MYOF: variants seen among roughly 807,000 people sequenced by gnomAD.
MYOF encodes fer-1-like 3, myoferlin.
MYOF carries 244 observed loss-of-function variants against 284.2 expected under a neutral mutation model. That is an observed-to-expected ratio of 0.86 (90% CI 0.77 to 0.95). The LOEUF (loss-of-function observed/expected upper bound fraction) is 0.95, where lower values mean the gene tolerates loss of function less well. Ranked by LOEUF, MYOF falls within the 40% of genes least tolerant of loss-of-function variation. MYOF has a pLI of 0.00. For missense variants in MYOF, 2,496 were observed against 2,560.6 expected, an observed-to-expected ratio of 0.97 and a Z score of 0.54; for synonymous variants, 904 against 919.7, an observed-to-expected ratio of 0.98 and a Z score of 0.31.
intron 5 of MYOF, chr10:93,425,850 G>T (rs550772500): frequency 5.2e-6 from 3 of 579,896 alleles, no homozygotes; most frequent in East Asian, 2.9e-5. Context: ...AGGTTGTTCA[G>T]TAAAGGGTTG....
At chr10:93,360,052 A>AT in intron 28 of MYOF, 74 bp from the exon 29 acceptor site, 1 of 1,553,494 alleles carries the variant, frequency 6.4e-7, no homozygotes, top group Non-Finnish European at 8.9e-7. Context: ...TCGAGGAAAC[A>AT]TTTGTTCACT....
Position 93,393,224 on chromosome 10 carries a change from C to T in MYOF, c.1418-269G>A, listed in dbSNP as rs757670459. Among the ~76,000 whole-genome samples, 159 of 152,250 alleles carry T rather than the reference C, an allele frequency of 1.0e-3. 1 individual carries two copies. Among genetic ancestry groups the T allele is most frequent in the Non-Finnish European group, 1.8e-3 (124 of 68,012 alleles). Reference sequence around the variant, plus strand: ...CCAGGAAGCAGAAGAGCTAGCTTCCCGGGGACAGAGGGGGCCTGGCGAAGT... The same window carrying T: ...CCAGGAAGCAGAAGAGCTAGCTTCCTGGGGACAGAGGGGGCCTGGCGAAGT... On this transcript the variant is annotated intron_variant, in intron 16 of 53. Transcript: ENST00000359263.
intron 1 of MYOF, among the ~76,000 whole-genome samples, chr10:93,468,533 T>C (rs1376319350): frequency 1.3e-5 from 2 of 152,186 alleles, no homozygotes. Context: ...GAAAATAAAA[T>C]AGTCACTTAA....
At chr10:93,372,241 ATTCTGAT>A (rs1240248007) in intron 24 of MYOF, among the ~76,000 whole-genome samples, 1 of 152,146 alleles carries the variant, frequency 6.6e-6, no homozygotes, top group African/African-American at 2.4e-5. Flanking sequence ...GATGGGAACT[ATTCTGAT>A]TTCTTTGTTT....
At chr10:93,327,260 C>T (rs1392737540) in intron 45 of MYOF, among the ~76,000 whole-genome samples, 2 of 152,068 alleles carry the variant, frequency 1.3e-5, no homozygotes, top group African/African-American at 2.4e-5. Context: ...CACCTGACTG[C>T]TCCCCCGAGC....
At chr10:93,402,735 T>G in intron 10 of MYOF, 125 bp downstream of exon 10, 1 of 823,686 alleles carries the variant, frequency 1.2e-6, no homozygotes, top group Admixed American at 2.9e-5. Context: ...AGAAAATATT[T>G]TTTAAAAAAT....
intron 3 of MYOF, among the ~76,000 whole-genome samples, chr10:93,437,316 A>G (rs1471485613): frequency 1.3e-5 from 2 of 152,114 alleles, no homozygotes; most frequent in African/African-American, 4.8e-5. Context: ...GTTTGTTTAC[A>G]AAAGAGAAAT....
intron 4 of MYOF, among the ~76,000 whole-genome samples, chr10:93,426,842 A>G (rs140308260): frequency 0.012 from 1,755 of 148,306 alleles, 44 homozygotes; most frequent in African/African-American, 0.041. Context: ...GTGAGCTGAG[A>G]TCGTGCCACT....
chr10:93,379,926 G>C lies in MYOF; in HGVS notation c.1938C>G (p.Tyr646Ter). ...CCAGGCGATGACTAATATCCTCCCA[G>C]TATGAAGTCAGGGTAACAACTGGCT... ...HTKPVVTLTSYWEDISHRLDA... is the reference protein window; with the variant it reads ...HTKPVVTLTS The change falls in exon 21 of 54, where the codon TAC becomes TAG. Residue 646 changes from tyrosine (Y) to a stop codon, truncating the protein, a stop_gained. Coordinates refer to ENST00000359263, the MANE Select transcript of MYOF (RefSeq NM_013451.4). LOFTEE classifies it high-confidence loss of function. 6.2e-7 allele frequency: 1 copy of C among 1,614,152 alleles called. No individual in the cohort carries two copies. Among genetic ancestry groups the C allele is most frequent in the Non-Finnish European group, 8.5e-7 (1 of 1,179,998 alleles).
intron 3 of MYOF, among the ~76,000 whole-genome samples, chr10:93,439,470 A>C (rs2056178553): frequency 6.6e-6 from 1 of 152,164 alleles, no homozygotes; most frequent in Non-Finnish European, 1.5e-5. Flanking sequence ...GTTAGAATCA[A>C]AGTAGTAGTT....
chr10:93,354,737 A>C (rs1158488350), intron 31 of MYOF, among the ~76,000 whole-genome samples: 1 of 148,322 alleles, frequency 6.7e-6, no homozygotes, highest in Admixed American at 6.8e-5. Flanking sequence ...TTCCGTGCAC[A>C]GATTCTGGGA....
At chr10:93,439,376 C>A (rs2063643221) in intron 3 of MYOF, among the ~76,000 whole-genome samples, 1 of 152,042 alleles carries the variant, frequency 6.6e-6, no homozygotes, top group Non-Finnish European at 1.5e-5. Context: ...TTCACCTGAC[C>A]AATTCTGTGC....
chr10:93,338,642 C>A (rs1843725734), intron 39 of MYOF, among the ~76,000 whole-genome samples: 1 of 152,162 alleles, frequency 6.6e-6, no homozygotes, highest in African/African-American at 2.4e-5. Context: ...TTCAGTTAGA[C>A]CAGGGCTCCC....
intron 19 of MYOF, among the ~76,000 whole-genome samples, chr10:93,386,974 G>A (rs1846402567): frequency 6.6e-6 from 1 of 152,186 alleles, no homozygotes; most frequent in South Asian, 2.1e-4. Context: ...CAAGGAGACA[G>A]GCTGCGAGTA....
rs749421938 is a variant in MYOF, at chr10:93,366,494, T to A, written c.2651A>T (p.Lys884Met). The change falls in exon 26 of 54, where the codon AAG becomes ATG. Residue 884 changes from lysine (K) to methionine (M), a missense_variant. By Grantham distance (95) the Lys-to-Met change is moderately conservative (BLOSUM62 -1). This residue lies in a region of MYOF where 2,436 missense variants were observed against 2,480.7 expected (regional missense o/e 0.98). Transcript: ENST00000359263. ...WGTSGLVGRH[K>M]FSDVTGKIKL... is the part of the protein sequence containing the mutation. ...TATTTTTCCTGTGACATCAGAAAAC[T>A]TATGACGTCCTACTAATCCAGAAGT... The A allele has an allele frequency of 3.0e-5, 48 of 1,613,832 alleles. No homozygotes were observed. The South Asian group carries it at 5.1e-4, about 17-fold the overall frequency.
chr10:93,382,367 C>T (rs1481992026), intron 19 of MYOF, among the ~76,000 whole-genome samples: 2 of 151,856 alleles, frequency 1.3e-5, no homozygotes, highest in African/African-American at 2.4e-5. Flanking sequence ...CAACTAGCTG[C>T]GACTACAGGT....
intron 50 of MYOF, among the ~76,000 whole-genome samples, chr10:93,316,100 G>A (rs1842600050): frequency 6.6e-6 from 1 of 152,124 alleles, no homozygotes; most frequent in Non-Finnish European, 1.5e-5. Context: ...ACTCCAGCCT[G>A]GGTAACAGAG....
chr10:93,396,044 C>A lies in MYOF; in HGVS notation c.1417+98G>T, dbSNP rs188952526. The A allele has an allele frequency of 6.0e-4, 533 of 890,036 alleles. 3 individuals carry two copies. The African/African-American group carries it at 8.1e-3, about 14-fold the overall frequency. The allele number at this position is 890,036 out of a possible 1,614,324, so 55.1% of individuals were successfully genotyped here. A position where few individuals can be genotyped will look rare whatever the true frequency, so the allele number is the denominator to read the frequency against. On this transcript the variant is annotated intron_variant, in intron 16 of 53. Coordinates refer to ENST00000359263, the MANE Select transcript of MYOF (RefSeq NM_013451.4). ...TTCATCACATTTGGCTTCTAAGAAA[C>A]CAAACCTACTGTGAGGTGGCTACCC...
Position 93,431,419 on chromosome 10 carries a change from G to T in MYOF, c.334C>A (p.Gln112Lys). ...GAGAAAACACTCACCCCAGTATCTT[G>T]CCCTTTTTCATTTAGCAGGGAGATC... ...KLISLLNEKG[Q>K]DTGATIDLVI... Residue 112 changes from glutamine (Q) to lysine (K), a missense_variant, in exon 4 of 54, where the codon CAA becomes AAA. Around this residue, in one of 3 missense-constraint regions of MYOF, gnomAD observed 2,436 missense variants for 2,480.7 expected, o/e 0.98. Transcript: ENST00000359263. 6.2e-7 allele frequency: 1 copy of T among 1,613,600 alleles called. No homozygotes were observed. Among genetic ancestry groups the T allele is most frequent in the Non-Finnish European group, 8.5e-7 (1 of 1,179,618 alleles).
Sources: allele counts gnomAD v4.1 joint callset (sites outside exome capture counted in the v4.1 genomes callset), GRCh38; gene constraint gnomAD v4.1.1; regional missense constraint gnomAD v4.1.1; transcripts MANE v1.5; gene names NCBI Gene and HGNC (gene_info 2026-07-23, HGNC 2026-07-21).